TTN: variants seen among roughly 807,000 people sequenced by gnomAD.
The protein encoded by TTN is connectin.
In TTN, 1,525 loss-of-function variants were observed where a neutral mutation model predicts 3,223.0. That is an observed-to-expected ratio of 0.47 (90% CI 0.45 to 0.49). TTN has a LOEUF of 0.49. Among genes scored for constraint, TTN ranks in the 20% least tolerant of loss-of-function variants. The pLI, the probability that TTN is intolerant of heterozygous loss-of-function variation, is 0.00. For missense variants in TTN, 40,786 were observed against 43,424.0 expected (o/e 0.94, Z 5.40); for synonymous variants, 14,094 against 15,161.0 (o/e 0.93, Z 5.17).
chr2:178,694,500 C>T (rs1052692182), intron 117 of TTN, 99 bp downstream of exon 117: 6 of 758,704 alleles, frequency 7.9e-6, no homozygotes, highest in African/African-American at 3.6e-5. Context: ...TGTTTTTGGT[C>T]GTTTCAGATT....
Position 178,729,003 on chromosome 2 carries a change from A to T in TTN, c.19035T>A (p.Ser6345Arg). 6.2e-7 allele frequency: 1 copy of T among 1,613,046 alleles called. No homozygotes were observed. The highest frequency in any genetic ancestry group is 8.5e-7 in the Non-Finnish European group (1 of 1,179,476). The change falls in exon 65 of 363, where the codon AGT becomes AGA. Residue 6345 changes from serine (S) to arginine (R), a missense_variant. Transcript: ENST00000589042. ...CACTTCTGATTTGAAGTGTGGCCAC[A>T]CTGTCCACAAATGAAATATAGACAT... The part of the protein sequence containing the change: ...DDNVYISFVD[S>R]VATLQIRSVD...
chr2:178,539,127 G>A lies in TTN; in HGVS notation c.98808C>T (p.Arg32936=), dbSNP rs770905481. The change falls in exon 353 of 363, where the codon CGC becomes CGT. Residue 32936 remains arginine (R), a synonymous_variant. Transcript: ENST00000589042. ...GSRVTGYYIE[R]KETSTDKWVR... ...CCCACTTGTCAGTGGATGTCTCTTTGCGTTCGATGTAGTAGCCTGTGACTC... is the reference window on the plus strand; with the variant it reads ...CCCACTTGTCAGTGGATGTCTCTTTACGTTCGATGTAGTAGCCTGTGACTC... 2 of 1,613,622 alleles carry A rather than the reference G, an allele frequency of 1.2e-6. No homozygotes were observed. Among genetic ancestry groups the A allele is most frequent in the East Asian group, 4.5e-5 (2 of 44,866 alleles).
Position 178,564,017 on chromosome 2 carries a change from G to C in TTN, c.82115C>G (p.Pro27372Arg). The C allele has an allele frequency of 6.2e-7, 1 of 1,613,714 alleles. No individual in the cohort carries two copies. The highest frequency in any genetic ancestry group is 1.1e-5 in the South Asian group (1 of 91,072). The change falls in exon 326 of 363, where the codon CCT (proline) becomes CGT (arginine). Residue 27372 changes from proline (P) to arginine (R), a missense_variant. Transcript: ENST00000589042. The stretch of plus-strand genomic sequence containing the variant: ...AGTAACTTTCAGAGGCCCTTCAGGA[G>C]GCCCTGGCCTGTCAAGTACCTTTAC... Reference protein sequence around the residue: ...ITVKVLDRPGPPEGPLKVTGV... With the variant: ...ITVKVLDRPGRPEGPLKVTGV...
chr2:178,748,702 A>C, intron 47 of TTN: 1 of 1,612,744 alleles, frequency 6.2e-7, no homozygotes, highest in Non-Finnish European at 8.5e-7. Context: ...ATTCATGTTC[A>C]GCTCTTTTAG....
At chr2:178,664,321 T>C in intron 168 of TTN, 139 bp downstream of exon 168, 1 of 796,216 alleles carries the variant, frequency 1.3e-6, no homozygotes, top group Non-Finnish European at 2.0e-6. Context: ...AAGATATTAA[T>C]ACATTTACAC....
chr2:178,532,944 T>C lies in TTN; in HGVS notation c.103671A>G (p.Gln34557=), dbSNP rs2154134745. ...ACATGGGCACGAACTGCTTGATGCGTTGGTCTTCTTCTATGGTAGTCTGCT... is the reference window on the plus strand; with the variant it reads ...ACATGGGCACGAACTGCTTGATGCGCTGGTCTTCTTCTATGGTAGTCTGCT... ...KYKQTTIEED[Q]RIKQFVPMSD... is the part of the protein sequence containing the mutation. The change falls in exon 358 of 363, where the codon CAA becomes CAG. Residue 34557 remains glutamine (Q), a synonymous_variant. Coordinates refer to ENST00000589042, the MANE Select transcript of TTN (RefSeq NM_001267550.2). The C allele has an allele frequency of 1.2e-6, 2 of 1,613,902 alleles. No homozygotes were observed. The highest frequency in any genetic ancestry group is 1.7e-6 in the Non-Finnish European group (2 of 1,179,886).
At chr2:178,745,336 A>T in intron 47 of TTN, 1 of 1,348,856 alleles carries the variant, frequency 7.4e-7, no homozygotes, top group Non-Finnish European at 9.6e-7. Flanking sequence ...CCAAGGAGAG[A>T]TTTAATTGTG....
rs1261811728 is a variant in TTN at position 178,620,941 on chromosome 2, C to G, written c.45669G>C (p.Gln15223His). The change falls in exon 247 of 363, where the codon CAG becomes CAC. Residue 15223 changes from glutamine to histidine, a missense_variant. Transcript: ENST00000589042. ...PLKDTRVKEQ[Q>H]EVVFNCEVNT... ...TGACTTCACAGTTGAAGACAACTTC[C>G]TGTTGTTCCTTCACCCGGGTGTCCT... 6.2e-7 allele frequency: 1 copy of G among 1,612,396 alleles called. No individual in the cohort carries two copies.
At position 178,633,512 on chromosome 2, in the gene TTN, G is replaced by T; in HGVS notation, c.42847C>A (p.Arg14283Ser). 1 of 1,613,240 alleles carries T rather than the reference G, an allele frequency of 6.2e-7. No homozygotes were observed. The highest frequency in any genetic ancestry group is 8.5e-7 in the Non-Finnish European group (1 of 1,179,578). Residue 14283 changes from arginine (R) to serine (S), a missense_variant, in exon 232 of 363, where the codon CGC (arginine) becomes AGC (serine). Physicochemically the swap from Arg to Ser is moderately radical, Grantham distance 110. Coordinates refer to ENST00000589042, the MANE Select transcript of TTN (RefSeq NM_001267550.2). ...GCCTTTTTGATTTTTAAGATGCGGC[G>T]CAGGCCATCTGCCTTGATAGAATAT... is the stretch of plus-strand genomic sequence containing the variant. The part of the protein sequence containing the change: ...PKYSIKADGL[R>S]RILKIKKADL...
chr2:178,618,671 C>A lies in TTN; in HGVS notation c.46879G>T (p.Ala15627Ser). The change falls in exon 251 of 363, where the codon GCC becomes TCC. Residue 15627 changes from alanine to serine, a missense_variant. Transcript: ENST00000589042. ...TACCTCCCTTTGTCTCCTTTCTTGG[C>A]TTCTAAAATTCTGAAAGAAGTTTGT... ...AEQTSFRILE[A>S]KKGDKGRYKI... is the part of the protein sequence containing the mutation. The A allele has an allele frequency of 6.2e-7, 1 of 1,612,236 alleles. No homozygotes were observed. The highest frequency in any genetic ancestry group is 2.2e-5 in the East Asian group (1 of 44,682).
In TTN at chr2:178,573,792, T is replaced by C; in HGVS notation, c.72340A>G (p.Ile24114Val). ...CTGTCAAGAACTTTGACATTGAAAATGTGTTTAGCAAAGCCACCAGGATTA... is the reference window on the plus strand; with the variant it reads ...CTGTCAAGAACTTTGACATTGAAAACGTGTTTAGCAAAGCCACCAGGATTA... ...ATNPGGFAKH[I>V]FNVKVLDRPG... The change falls in exon 326 of 363, where the codon ATT becomes GTT. Residue 24114 changes from isoleucine to valine, a missense_variant. Transcript: ENST00000589042. 1 of 1,609,970 alleles carries C rather than the reference T, an allele frequency of 6.2e-7. No individual in the cohort carries two copies. Among genetic ancestry groups the C allele is most frequent in the Admixed American group, 1.7e-5 (1 of 59,554 alleles).
chr2:178,569,193 A>T lies in TTN; in HGVS notation c.76939T>A (p.Ser25647Thr). The T allele has an allele frequency of 6.2e-7, 1 of 1,610,472 alleles. No homozygotes were observed. The highest frequency in any genetic ancestry group is 8.5e-7 in the Non-Finnish European group (1 of 1,178,314). Reference protein sequence around the residue: ...IVEKREATRKSYAAVVTNCHK... With the variant: ...IVEKREATRKTYAAVVTNCHK... Reference sequence around the variant, plus strand: ...CAGTTAGTTACAACAGCAGCATATGATTTTCTTGTGGCTTCACGTTTCTCA... The same window carrying T: ...CAGTTAGTTACAACAGCAGCATATGTTTTTCTTGTGGCTTCACGTTTCTCA... Residue 25647 changes from serine to threonine, a missense_variant, in exon 326 of 363, where the codon TCA becomes ACA. By Grantham distance (58) the Ser-to-Thr change is moderately conservative. Transcript: ENST00000589042.
At chr2:178,684,856 T>A in intron 130 of TTN, 50 bp downstream of exon 130, 1 of 1,548,666 alleles carries the variant, frequency 6.5e-7, no homozygotes, top group Non-Finnish European at 8.8e-7. Flanking sequence ...AATGTATCAA[T>A]TTAAGATTAA....
chr2:178,793,019 A>T (rs568022809), intron 9 of TTN, among the ~76,000 whole-genome samples: 40 of 152,328 alleles, frequency 2.6e-4, no homozygotes, highest in African/African-American at 8.7e-4. Flanking sequence ...AGTTGCTAAG[A>T]TTTCTAAAGC....
Position 178,561,104 on chromosome 2 carries a change from G to C in TTN, c.85028C>G (p.Thr28343Ser). 1 of 1,613,810 alleles carries C rather than the reference G, an allele frequency of 6.2e-7. No individual in the cohort carries two copies. The highest frequency in any genetic ancestry group is 8.5e-7 in the Non-Finnish European group (1 of 1,179,808). ...ADSVSEPSES[T>S]GPIIVKDDVE... ...ATCATCTTTAACTATAATAGGCCCA[G>C]TGGATTCAGATGGCTCACTAACTGA... is the stretch of plus-strand genomic sequence containing the variant. Residue 28343 changes from threonine to serine, a missense_variant, in exon 326 of 363, where the codon ACT becomes AGT. Transcript: ENST00000589042.
intron 31 of TTN, 42 bp downstream of exon 31, chr2:178,773,796 T>G: frequency 1.2e-6 from 2 of 1,614,058 alleles, no homozygotes; most frequent in Non-Finnish European, 1.7e-6. Context: ...TTCTTTATGT[T>G]GCTTAATAGT....
rs763989757 is a variant in TTN at position 178,563,456 on chromosome 2, G to A, written c.82676C>T (p.Ser27559Phe). 6.2e-7 allele frequency: 1 copy of A among 1,613,620 alleles called. No individual in the cohort carries two copies. Among genetic ancestry groups the A allele is most frequent in the Admixed American group, 1.7e-5 (1 of 59,978 alleles). The change falls in exon 326 of 363, where the codon TCT becomes TTT. Residue 27559 changes from serine to phenylalanine, a missense_variant. Coordinates refer to ENST00000589042, the MANE Select transcript of TTN (RefSeq NM_001267550.2). This position sits in a 1 kb window ranked among gnomAD's most constrained non-coding sequence, Gnocchi z 4.5. ...AAGVGEPSEP[S>F]VFYRACDALY... The stretch of plus-strand genomic sequence containing the variant: ...GGCATCACACGCACGGTAGAAAACA[G>A]ATGGCTCACTAGGTTCTCCCACACC...
chr2:178,535,478 G>A lies in TTN; in HGVS notation c.101137C>T (p.Pro33713Ser). Residue 33713 changes from proline to serine, a missense_variant, in exon 358 of 363, where the codon CCA (proline) becomes TCA (serine). Physicochemically the swap from Pro to Ser is moderately conservative, Grantham distance 74. Transcript: ENST00000589042. ...ATTTTGCTGCCACCATCAGAGGCTGGCTCAGTCCATGTTAAGTTGACAGAA... is the reference window on the plus strand; with the variant it reads ...ATTTTGCTGCCACCATCAGAGGCTGACTCAGTCCATGTTAAGTTGACAGAA... ...RDSVNLTWTE[P>S]ASDGGSKITN... 6.2e-7 allele frequency: 1 copy of A among 1,613,814 alleles called. No individual in the cohort carries two copies. The highest frequency in any genetic ancestry group is 8.5e-7 in the Non-Finnish European group (1 of 1,179,802).
rs935222978 is a variant in TTN at position 178,616,412 on chromosome 2, A to G, written c.48312+67T>C. 15 of 1,590,304 alleles carry G rather than the reference A, an allele frequency of 9.4e-6. No homozygotes were observed. In the African/African-American group the frequency reaches 1.8e-4, roughly 19 times the overall value. On this transcript the variant is annotated intron_variant, in intron 257 of 362. Coordinates refer to ENST00000589042, the MANE Select transcript of TTN (RefSeq NM_001267550.2). Reference sequence around the variant, plus strand: ...GTAGCACATAAGACTTTTGTATGGCATCCCAACCTTCTGGGATTTCCCCTA... The same window carrying G: ...GTAGCACATAAGACTTTTGTATGGCGTCCCAACCTTCTGGGATTTCCCCTA...
Sources: gnomAD v4.1 joint callset for allele counts (sites outside exome capture counted in the v4.1 genomes callset) on GRCh38, gnomAD v4.1.1 for gene constraint, Gnocchi (gnomAD v3.1) non-coding constraint, MANE v1.5 for transcripts, NCBI Gene and HGNC (gene_info 2026-07-23, HGNC 2026-07-21) for gene names.